The following IGF2BP3 variants were observed in gnomAD, a reference collection of about 807,000 sequenced individuals.
IGF2BP3 encodes the protein insulin like growth factor 2 mRNA binding protein 3, also known as insulin-like growth factor 2 mRNA-binding protein 3.
A neutral mutation model predicts 73.8 loss-of-function variants in IGF2BP3; 9 were observed. That is an observed-to-expected ratio of 0.12 (90% CI 0.07 to 0.21). The LOEUF (loss-of-function observed/expected upper bound fraction) is 0.21. Ranked by LOEUF, IGF2BP3 falls within the 10% of genes least tolerant of loss-of-function variation. The pLI is 1.00. For synonymous variants in IGF2BP3, 258 were observed against 256.7 expected (o/e 1.01, Z -0.05); for missense variants, 542 against 714.0 (o/e 0.76, Z 2.75).
intron 2 of IGF2BP3, among the ~76,000 whole-genome samples, chr7:23,434,031 T>C (rs996747933): frequency 1.3e-5 from 2 of 150,940 alleles, no homozygotes; most frequent in African/African-American, 2.4e-5. Context: ...TGAGACAAGA[T>C]TGTGCCACTG....
chr7:23,313,465 G>A, intron 13 of IGF2BP3, 57 bp downstream of exon 13: 2 of 1,585,488 alleles, frequency 1.3e-6, no homozygotes, highest in Non-Finnish European at 1.7e-6. Context: ...GAACTCCTAA[G>A]TACCTTTCAA....
At chr7:23,377,026 A>T (rs1397877373) in intron 3 of IGF2BP3, among the ~76,000 whole-genome samples, 15 of 152,210 alleles carry the variant, frequency 9.9e-5, no homozygotes, top group Non-Finnish European at 1.5e-5. Context: ...ATGGTTAAGT[A>T]AATTACCAGT....
chr7:23,362,412 T>A lies in IGF2BP3; in HGVS notation c.286-671A>T, dbSNP rs1193287331. On this transcript the variant is annotated intron_variant, in intron 3 of 14. Transcript: ENST00000258729. ...AGCACAGTGCATACTCTACCTGGAG[T>A]GGAATTTAAAGCCCAACATAAATAC... 3 of 151,780 alleles carry A rather than the reference T, an allele frequency of 2.0e-5. No individual in the cohort carries two copies. In the East Asian group the frequency reaches 5.8e-4, roughly 29 times the overall value. 9.4% of individuals were successfully genotyped at this position (151,780 alleles called of 1,614,324 possible).
intron 10 of IGF2BP3, among the ~76,000 whole-genome samples, chr7:23,320,326 C>A (rs1218097621): frequency 1.3e-5 from 2 of 152,158 alleles, no homozygotes; most frequent in Non-Finnish European, 2.9e-5. Context: ...CTTCCCACTT[C>A]AAGCCAGTTG....
At position 23,468,470 on chromosome 7, in the gene IGF2BP3, G is replaced by T; in HGVS notation, c.236+12C>A. ...GAGAACAGAATCGGGGCAAACAGAA[G>T]CAGCAGCTCACCTTTGCCTTTTTGG... On this transcript the variant is annotated intron_variant, in intron 2 of 14. Transcript: ENST00000258729. 1.2e-6 allele frequency: 2 copies of T among 1,614,070 alleles called. No homozygotes were observed. Among genetic ancestry groups the T allele is most frequent in the Non-Finnish European group, 1.7e-6 (2 of 1,179,900 alleles).
chr7:23,421,415 G>A (rs912011082), intron 2 of IGF2BP3, among the ~76,000 whole-genome samples: 3 of 152,010 alleles, frequency 2.0e-5, no homozygotes, highest in Admixed American at 6.6e-5. Context: ...AGTTGCGGCC[G>A]GACACAGTGG....
At position 23,430,141 on chromosome 7, in the gene IGF2BP3, T is replaced by C. The variant is rs192220834; in HGVS notation, c.237-11317A>G. Among the ~76,000 whole-genome samples, 308 of 151,208 alleles carry C rather than the reference T, an allele frequency of 2.0e-3. 2 individuals carry two copies. The highest frequency in any genetic ancestry group is 7.2e-3 in the African/African-American group (295 of 41,038). On this transcript the variant is annotated intron_variant, in intron 2 of 14. Coordinates refer to ENST00000258729, the MANE Select transcript of IGF2BP3 (RefSeq NM_006547.3). ...CGCTGTCACCCAGGCTGGAGTGCAGTGGCACGATCTCGGCTCACTGCAACC... is the reference window on the plus strand; with the variant it reads ...CGCTGTCACCCAGGCTGGAGTGCAGCGGCACGATCTCGGCTCACTGCAACC...
At chr7:23,405,520 A>G (rs2128527890) in intron 3 of IGF2BP3, among the ~76,000 whole-genome samples, 1 of 152,334 alleles carries the variant, frequency 6.6e-6, no homozygotes, top group East Asian at 1.9e-4. Context: ...TTTAGGCTGG[A>G]GAAGCAAGAA....
At chr7:23,327,970 G>A (rs540991506) in intron 10 of IGF2BP3, among the ~76,000 whole-genome samples, 7 of 152,232 alleles carry the variant, frequency 4.6e-5, no homozygotes, top group Admixed American at 1.3e-4. Context: ...CTTACCAGGA[G>A]GCCATTCCGT....
In IGF2BP3 at chr7:23,421,341, C is replaced by T. The variant is rs980498837; in HGVS notation, c.237-2517G>A. 4.3e-5 allele frequency among the ~76,000 whole-genome samples: 6 copies of T among 138,958 alleles called. No homozygotes were observed. The Admixed American group carries it at 4.5e-4, about 10-fold the overall frequency. 91.2% of individuals were successfully genotyped at this position (138,958 alleles called of 152,430 possible). On this transcript the variant is annotated intron_variant, in intron 2 of 14. Coordinates refer to ENST00000258729, the MANE Select transcript of IGF2BP3 (RefSeq NM_006547.3). Reference sequence around the variant, plus strand: ...TCTATAAAAGGTTTAAAAAATATACCCTAATAAAAAGATTTATAATTCATA... The same window carrying T: ...TCTATAAAAGGTTTAAAAAATATACTCTAATAAAAAGATTTATAATTCATA...
At position 23,435,225 on chromosome 7, in the gene IGF2BP3, G is replaced by A. The variant is rs528690985; in HGVS notation, c.237-16401C>T. Among the ~76,000 whole-genome samples the A allele has an allele frequency of 1.8e-3, 260 of 146,870 alleles. 1 individual carries two copies. Among genetic ancestry groups the A allele is most frequent in the Non-Finnish European group, 3.2e-3 (214 of 67,002 alleles). On this transcript the variant is annotated intron_variant, in intron 2 of 14. Transcript: ENST00000258729. ...GGAGAATCGCTTGAACCCGGGAGGCGGAGGTTGCAGTGAACAAAGATCGCA... is the reference window on the plus strand; with the variant it reads ...GGAGAATCGCTTGAACCCGGGAGGCAGAGGTTGCAGTGAACAAAGATCGCA...
chr7:23,326,445 AG>A (rs1784298354), intron 10 of IGF2BP3, among the ~76,000 whole-genome samples: 1 of 151,786 alleles, frequency 6.6e-6, no homozygotes. Flanking sequence ...GTGGAGAAAT[AG>A]GAACACTTTT....
Position 23,311,776 on chromosome 7 carries a change from C to A in IGF2BP3, c.*586G>T, listed in dbSNP as rs1241040677. ...AAAAAAAAGGAACAATTTTGCTTTT[C>A]ATTGTATTACTGAATACCTGAGGTA... On this transcript the variant is annotated 3_prime_UTR_variant, in exon 15 of 15. Coordinates refer to ENST00000258729, the MANE Select transcript of IGF2BP3 (RefSeq NM_006547.3). The A allele has an allele frequency of 6.6e-6, 1 of 152,540 alleles. No individual in the cohort carries two copies. The highest frequency in any genetic ancestry group is 2.1e-4 in the South Asian group (1 of 4,816). The allele number at this position is 152,540 out of a possible 1,614,324, so 9.4% of individuals were successfully genotyped here. A position where few individuals can be genotyped will look rare whatever the true frequency, so the allele number is the denominator to read the frequency against.
At chr7:23,358,882 T>C (rs145197739) in intron 5 of IGF2BP3, among the ~76,000 whole-genome samples, 5 of 152,350 alleles carry the variant, frequency 3.3e-5, no homozygotes, top group Non-Finnish European at 5.9e-5. Context: ...AATACTCTTA[T>C]AAGGCCGCTT....
chr7:23,462,364 C>CTT (rs60416705), intron 2 of IGF2BP3, among the ~76,000 whole-genome samples: 15 of 143,226 alleles, frequency 1.0e-4, no homozygotes, highest in East Asian at 4.0e-4. Context: ...AAGAATATTT[C>CTT]TTTTTTTTTT....
At chr7:23,444,634 T>C (rs1483287739) in intron 2 of IGF2BP3, among the ~76,000 whole-genome samples, 1 of 146,468 alleles carries the variant, frequency 6.8e-6, no homozygotes, top group African/African-American at 2.5e-5. Context: ...TCCCAGCTAC[T>C]TGGGAGGCTG....
rs1345770405 is a variant in IGF2BP3, at chr7:23,322,688, A to T, written c.1204-3434T>A. ...GCCAGAGAGAAAGGTCGGGTTACCC[A>T]CAAAGGGAAGCCCATCAGACTAACA... is the stretch of plus-strand genomic sequence containing the variant. On this transcript the variant is annotated intron_variant, in intron 10 of 14. Transcript: ENST00000258729. 1.2e-4 allele frequency among the ~76,000 whole-genome samples: 19 copies of T among 152,258 alleles called. No homozygotes were observed. In the East Asian group the frequency reaches 3.1e-3, roughly 25 times the overall value.
intron 10 of IGF2BP3, among the ~76,000 whole-genome samples, chr7:23,323,197 TA>T (rs1488632793): frequency 6.6e-6 from 1 of 151,978 alleles, no homozygotes; most frequent in African/African-American, 2.4e-5. Context: ...GACACACACA[TA>T]GGCTCAAAAT....
intron 3 of IGF2BP3, among the ~76,000 whole-genome samples, chr7:23,392,470 A>G (rs1351213412): frequency 6.7e-6 from 1 of 150,322 alleles, no homozygotes; most frequent in East Asian, 1.9e-4. Context: ...ACACATATAT[A>G]TGTATATATA....
Sources: gnomAD v4.1 joint callset for allele counts (sites outside exome capture counted in the v4.1 genomes callset) on GRCh38, gnomAD v4.1.1 for gene constraint, MANE v1.5 for transcripts, NCBI Gene and HGNC (gene_info 2026-07-23, HGNC 2026-07-21) for gene names.